Variants in HERC4 observed in about 807,000 individuals in gnomAD.
HERC4 encodes HECT and RLD domain containing E3 ubiquitin protein ligase 4.
HERC4 carries 28 observed loss-of-function variants against 124.3 expected under a neutral mutation model. The ratio of observed to expected loss-of-function variants is 0.23; its 90% CI spans 0.17 to 0.31. HERC4 has a LOEUF of 0.31. Ranked by LOEUF, HERC4 falls within the 10% of genes least tolerant of loss-of-function variation. The pLI is 1.00. For missense variants in HERC4, 713 were observed against 1,229.3 expected (o/e 0.58, Z 6.28); for synonymous variants, 407 against 421.5 (o/e 0.97, Z 0.42).
intron 19 of HERC4, among the ~76,000 whole-genome samples, chr10:67,952,369 C>T (rs10047296): frequency 0.54 from 81,228 of 151,720 alleles, 23,417 homozygotes; most frequent in Non-Finnish European, 0.66. Context: ...CTGCAACCTC[C>T]GTCTATTGGG....
In HERC4 at chr10:68,053,540, G is replaced by A. The variant is rs993773514; in HGVS notation, c.227-8977C>T. The stretch of plus-strand genomic sequence containing the variant: ...GCTAGTCTTGAACTCCTGGACTCAC[G>A]TAATCCTCCCAAAGTGCTGGGATTA... On this transcript the variant is annotated intron_variant, in intron 3 of 24. Transcript: ENST00000373700. Among the ~76,000 whole-genome samples, 6 of 152,028 alleles carry A rather than the reference G, an allele frequency of 3.9e-5. No homozygotes were observed. The East Asian group carries it at 5.8e-4, about 15-fold the overall frequency.
intron 24 of HERC4, among the ~76,000 whole-genome samples, chr10:67,924,460 T>C (rs117339813): frequency 1.3e-5 from 2 of 152,302 alleles, no homozygotes; most frequent in Non-Finnish European, 2.9e-5. Flanking sequence ...GTACAGCATG[T>C]TACTGTACTG....
rs148184258 is a variant in HERC4, at chr10:67,932,779, G to T, written c.2656C>A (p.Gln886Lys). Reference sequence around the variant, plus strand: ...TCCACATAAGCATCGACAAACTCTTGCCTAGAAATGAAAAAGCACACATGT... The same window carrying T: ...TCCACATAAGCATCGACAAACTCTTTCCTAGAAATGAAAAAGCACACATGT... ...ADTAVNKQNR[Q>K]EFVDAYVDYI... The change falls in exon 23 of 25, where the codon CAA (glutamine) becomes AAA (lysine). Residue 886 changes from glutamine to lysine, a missense_variant and splice_region_variant. Transcript: ENST00000373700. The T allele has an allele frequency of 4.0e-5, 63 of 1,587,942 alleles. No homozygotes were observed. The highest frequency in any genetic ancestry group is 3.0e-4 in the Admixed American group (15 of 50,336).
At chr10:67,972,403 C>G (rs1333971817) in intron 15 of HERC4, among the ~76,000 whole-genome samples, 2 of 151,242 alleles carry the variant, frequency 1.3e-5, no homozygotes, top group African/African-American at 4.9e-5. Context: ...TGCCTGTAAT[C>G]CCAGCTACTC....
chr10:68,038,622 A>C (rs1589391703), intron 4 of HERC4, among the ~76,000 whole-genome samples: 2 of 152,158 alleles, frequency 1.3e-5, no homozygotes, highest in East Asian at 3.8e-4. Flanking sequence ...TTTCTTAAGA[A>C]CCAACAGGGA....
chr10:68,059,147 C>G (rs773055227), intron 3 of HERC4, among the ~76,000 whole-genome samples: 2 of 151,924 alleles, frequency 1.3e-5, no homozygotes, highest in African/African-American at 4.8e-5. Flanking sequence ...AAAGTTAATA[C>G]GTATTACTGT....
chr10:67,947,009 C>G (rs1385386063), intron 19 of HERC4, among the ~76,000 whole-genome samples: 1 of 151,980 alleles, frequency 6.6e-6, no homozygotes, highest in Non-Finnish European at 1.5e-5. Context: ...AGAGAGAGAC[C>G]CCAATACAAT....
intron 7 of HERC4, among the ~76,000 whole-genome samples, chr10:68,026,582 G>A (rs948077096): frequency 1.7e-4 from 26 of 151,646 alleles, no homozygotes; most frequent in Non-Finnish European, 7.4e-5. Flanking sequence ...GGTGGCTCAC[G>A]CCTGTAATCC....
At chr10:68,056,382 A>G (rs781228276) in intron 3 of HERC4, among the ~76,000 whole-genome samples, 7 of 152,190 alleles carry the variant, frequency 4.6e-5, no homozygotes, top group Non-Finnish European at 1.0e-4. Flanking sequence ...AGTTCCTTCT[A>G]TGTGCACCAT....
intron 16 of HERC4, among the ~76,000 whole-genome samples, chr10:67,957,437 ATCTCT>A (rs2034212605): frequency 6.6e-6 from 1 of 152,168 alleles, no homozygotes; most frequent in South Asian, 2.1e-4. Context: ...GAGTCCAATA[ATCTCT>A]TCATTTACTT....
Position 68,033,966 on chromosome 10 carries a change from A to G in HERC4, c.684T>C (p.Asn228=). Residue 228 remains asparagine (N), a splice_region_variant and synonymous_variant, in exon 6 of 25, where the codon AAT becomes AAC. Coordinates refer to ENST00000373700, the MANE Select transcript of HERC4 (RefSeq NM_015601.4). ...KFGQLGLNDE[N]DRYVPNLLKS... ...AAACTATACATAATGAGAACCTACC[A>G]TTTTCATCATTAAGACCTAGCTGAC... 6.2e-7 allele frequency: 1 copy of G among 1,612,392 alleles called. No homozygotes were observed. The highest frequency in any genetic ancestry group is 8.5e-7 in the Non-Finnish European group (1 of 1,178,480).
chr10:68,053,230 T>C (rs910848175), intron 3 of HERC4, among the ~76,000 whole-genome samples: 2 of 152,168 alleles, frequency 1.3e-5, no homozygotes, highest in African/African-American at 4.8e-5. Flanking sequence ...AACATTTTTG[T>C]CAACTGATAA....
chr10:67,982,014 A>G (rs1238861567), intron 15 of HERC4, among the ~76,000 whole-genome samples: 3 of 152,216 alleles, frequency 2.0e-5, no homozygotes, highest in African/African-American at 4.8e-5. Flanking sequence ...TCCATGTTCA[A>G]TATTGTTAAA....
intron 22 of HERC4, among the ~76,000 whole-genome samples, chr10:67,935,563 C>G (rs1042289626): frequency 5.3e-5 from 8 of 152,164 alleles, no homozygotes; most frequent in African/African-American, 1.7e-4. Context: ...TTCAGTTCAG[C>G]TCCTTACCTG....
chr10:68,045,331 T>C (rs1349079968), intron 3 of HERC4, among the ~76,000 whole-genome samples: 4 of 151,826 alleles, frequency 2.6e-5, no homozygotes, highest in African/African-American at 9.7e-5. Context: ...TGTCTCAAGA[T>C]AAAAAAAGGA....
chr10:67,966,933 C>G (rs1369196905), intron 15 of HERC4, 131 bp from the exon 16 acceptor site: 3 of 540,486 alleles, frequency 5.6e-6, no homozygotes, highest in African/African-American at 4.0e-5. Context: ...CAGCTCACTG[C>G]AAGCTCTGCC....
At chr10:67,927,425 T>TA (rs1564911384) in intron 23 of HERC4, among the ~76,000 whole-genome samples, 18 of 9,326 alleles carry the variant, frequency 1.9e-3, no homozygotes, top group African/African-American at 5.6e-3. Flanking sequence ...TATATATATA[T>TA]ATATATTTTT....
intron 19 of HERC4, among the ~76,000 whole-genome samples, chr10:67,942,800 T>C (rs1236636537): frequency 6.6e-6 from 1 of 152,148 alleles, no homozygotes; most frequent in Non-Finnish European, 1.5e-5. Context: ...CGTGAGATAC[T>C]GCGCCAGCTC....
At chr10:67,989,900 C>G (rs1589259615) in intron 14 of HERC4, among the ~76,000 whole-genome samples, 1 of 152,016 alleles carries the variant, frequency 6.6e-6, no homozygotes, top group Non-Finnish European at 1.5e-5. Flanking sequence ...TCCTCCTTTA[C>G]TTCTTTAATA....
Sources: allele counts gnomAD v4.1 joint callset (sites outside exome capture counted in the v4.1 genomes callset), GRCh38; gene constraint gnomAD v4.1.1; transcripts MANE v1.5; gene names NCBI Gene and HGNC (gene_info 2026-07-23, HGNC 2026-07-21).